The following FANCD2 variants were observed in gnomAD, a reference collection of about 807,000 sequenced individuals.
FANCD2 encodes FA complementation group D2.
FANCD2 carries 131 observed loss-of-function variants against 192.3 expected under a neutral mutation model. The observed-to-expected ratio is 0.68, with a 90% CI of 0.59 to 0.79. The LOEUF (loss-of-function observed/expected upper bound fraction) is 0.79, where lower values mean the gene tolerates loss of function less well. Among genes scored for constraint, FANCD2 ranks in the 30% least tolerant of loss-of-function variants. FANCD2 has a pLI of 0.00. For missense variants in FANCD2, 1,508 were observed against 1,701.6 expected (o/e 0.89, Z 2.00); for synonymous variants, 524 against 612.5 (o/e 0.86, Z 2.13).
chr3:10,056,896 A>T (rs2087428065), intron 18 of FANCD2, among the ~76,000 whole-genome samples: 1 of 151,538 alleles, frequency 6.6e-6, no homozygotes, highest in African/African-American at 2.4e-5. Flanking sequence ...ACTCTGTCAC[A>T]CACATTGGAG....
intron 3 of FANCD2, among the ~76,000 whole-genome samples, 166 bp downstream of exon 3, chr3:10,033,138 C>T (rs891708710): frequency 1.3e-5 from 2 of 152,116 alleles, no homozygotes; most frequent in Non-Finnish European, 2.9e-5. Flanking sequence ...AGGCCGGGCG[C>T]GGTGGCTCAC....
chr3:10,060,963 C>G (rs1209220001), intron 19 of FANCD2, among the ~76,000 whole-genome samples: 2 of 152,188 alleles, frequency 1.3e-5, no homozygotes, highest in African/African-American at 2.4e-5. Context: ...TCTTTAGAAT[C>G]CACATTGTGG....
Position 10,088,726 on chromosome 3 carries a change from C to G in FANCD2, c.3561-102C>G. On this transcript the variant is annotated intron_variant, in intron 35 of 43. Transcript: ENST00000675286. ...CTCTGGTTCTGTTTTATACTGTTAG[C>G]TAACTGCTTATTGTTAATTCAGATC... is the stretch of plus-strand genomic sequence containing the variant. The G allele has an allele frequency of 3.8e-6, 5 of 1,310,558 alleles. No homozygotes were observed. In the Admixed American group the frequency reaches 8.5e-5, roughly 22 times the overall value. 81.2% of individuals were successfully genotyped at this position (1,310,558 alleles called of 1,614,324 possible).
At chr3:10,094,435 T>A in intron 40 of FANCD2, 72 bp downstream of exon 40, 1 of 1,269,142 alleles carries the variant, frequency 7.9e-7, no homozygotes, top group Non-Finnish European at 1.2e-6. Flanking sequence ...TGGTGACTCC[T>A]GGGTGGGGCT....
chr3:10,053,723 T>C (rs2087290626), intron 18 of FANCD2, among the ~76,000 whole-genome samples: 1 of 151,908 alleles, frequency 6.6e-6, no homozygotes, highest in Non-Finnish European at 1.5e-5. Context: ...CCACAAACAT[T>C]AAGTGCCTAT....
At chr3:10,097,188 G>A (rs141561972) in intron 42 of FANCD2, among the ~76,000 whole-genome samples, 166 of 152,308 alleles carry the variant, frequency 1.1e-3, no homozygotes, top group African/African-American at 3.9e-3. Context: ...TCACATGACC[G>A]CAGGACCGAG....
chr3:10,072,744 T>G (rs1421470222), intron 26 of FANCD2, 127 bp from the exon 27 acceptor site: 2 of 707,154 alleles, frequency 2.8e-6, no homozygotes, highest in African/African-American at 1.8e-5. Flanking sequence ...TGAATATGTC[T>G]TATAAGCATT....
chr3:10,052,374 AT>A lies in FANCD2; in HGVS notation c.1546-7del, dbSNP rs758397626. On this transcript the variant is annotated splice_polypyrimidine_tract_variant and intron_variant, in intron 17 of 43. Coordinates refer to ENST00000675286, the MANE Select transcript of FANCD2 (RefSeq NM_001018115.3). Reference sequence around the variant, plus strand: ...AGCTGCTAGCCTCATTGTTGGCATCATTTTTTCCACAGGGCATTTTAGATTA... The same window carrying A: ...AGCTGCTAGCCTCATTGTTGGCATCATTTTTCCACAGGGCATTTTAGATTA... 3.9e-6 allele frequency: 6 copies of A among 1,541,668 alleles called. No individual in the cohort carries two copies. Among genetic ancestry groups the A allele is most frequent in the Non-Finnish European group, 5.4e-6 (6 of 1,114,198 alleles).
chr3:10,101,370 TGTTCCTC>T lies in FANCD2; in HGVS notation c.*109_*115del. ...CTTTCTTACTGGTAGGATCCTTTTT[TGTTCCTC>T]TTTTTTTTTTTTTTTTTTTTTTTTT... On this transcript the variant is annotated 3_prime_UTR_variant, in exon 44 of 44. Transcript: ENST00000675286. 1 of 751,922 alleles carries T rather than the reference TGTTCCTC, an allele frequency of 1.3e-6. No homozygotes were observed. The highest frequency in any genetic ancestry group is 2.2e-6 in the Non-Finnish European group (1 of 450,406). 46.6% of individuals were successfully genotyped at this position (751,922 alleles called of 1,614,324 possible).
intron 38 of FANCD2, among the ~76,000 whole-genome samples, chr3:10,092,855 C>G (rs1694734318): frequency 6.6e-6 from 1 of 151,848 alleles, no homozygotes; most frequent in African/African-American, 2.4e-5. Flanking sequence ...CCACACCCAG[C>G]TAATTTTTCT....
chr3:10,099,298 AT>A, intron 43 of FANCD2: 1 of 1,242,230 alleles, frequency 8.1e-7, no homozygotes, highest in Non-Finnish European at 1.0e-6. Flanking sequence ...TGTGGTACAG[AT>A]GCTTTCGACA....
chr3:10,095,301 C>T (rs890198963), intron 41 of FANCD2, 27 bp downstream of exon 41: 2 of 1,591,998 alleles, frequency 1.3e-6, no homozygotes, highest in Non-Finnish European at 1.7e-6. Context: ...GTTCTATCAG[C>T]AGCCTGCCTG....
intron 29 of FANCD2, among the ~76,000 whole-genome samples, chr3:10,075,762 G>A (rs1209561803): frequency 2.6e-5 from 3 of 114,202 alleles, no homozygotes; most frequent in African/African-American, 1.0e-4. Flanking sequence ...ATGGAGTCTC[G>A]CTGCGTTGCA....
intron 19 of FANCD2, among the ~76,000 whole-genome samples, chr3:10,061,717 A>G (rs1355849629): frequency 6.6e-6 from 1 of 152,178 alleles, no homozygotes; most frequent in Non-Finnish European, 1.5e-5. Flanking sequence ...TAGGATAACC[A>G]TCCTTTGCTC....
In FANCD2 at chr3:10,046,667, C is replaced by T. The variant is rs771869385; in HGVS notation, c.1222C>T (p.Arg408Ter). Residue 408 changes from arginine (R) to a stop codon, truncating the protein, a stop_gained, in exon 15 of 44, where the codon CGA becomes TGA. Transcript: ENST00000675286. LOFTEE classifies it high-confidence loss of function. ...TGACAGGGTGCTAAGAAATAAGATT[C>T]GATCAGGCTGCATTCAAGAACAGCT... The part of the protein sequence containing the change: ...YIDRVLRNKI[R>*]SGCIQEQLLQ... 16 of 1,614,124 alleles carry T rather than the reference C, an allele frequency of 9.9e-6. No homozygotes were observed. Among genetic ancestry groups the T allele is most frequent in the African/African-American group, 4.0e-5 (3 of 74,964 alleles).
chr3:10,056,769 G>A (rs2087424430), intron 18 of FANCD2, among the ~76,000 whole-genome samples: 1 of 152,118 alleles, frequency 6.6e-6, no homozygotes, highest in African/African-American at 2.4e-5. Flanking sequence ...ATTTTCTAAT[G>A]ACTAATGATG....
At chr3:10,054,352 CGTATATATATATATACGT>C (rs2087312554) in intron 18 of FANCD2, among the ~76,000 whole-genome samples, 1 of 103,836 alleles carries the variant, frequency 9.6e-6, no homozygotes, top group African/African-American at 5.0e-5. Flanking sequence ...TATATATATA[CGTATATATATATATACGT>C]GTATATACAT....
chr3:10,069,509 C>T lies in FANCD2; in HGVS notation c.2494+2192C>T, dbSNP rs548260067. Among the ~76,000 whole-genome samples, 12 of 141,904 alleles carry T rather than the reference C, an allele frequency of 8.5e-5. No individual in the cohort carries two copies. In the East Asian group the frequency reaches 1.6e-3, roughly 19 times the overall value. 93.1% of individuals were successfully genotyped at this position (141,904 alleles called of 152,430 possible). ...CCCCTCTCCCGTCTCCCTCTGATGC[C>T]GAGCCAAAGCTGGACTGTACTGCTG... On this transcript the variant is annotated intron_variant, in intron 26 of 43. Transcript: ENST00000675286.
At chr3:10,040,937 T>C (rs1009956631) in intron 9 of FANCD2, 1 of 170,850 alleles carries the variant, frequency 5.9e-6, no homozygotes, top group Non-Finnish European at 1.2e-5. Context: ...CTCATGCCTT[T>C]AATCCCAGCA....
Sources: gnomAD v4.1 joint callset for allele counts (sites outside exome capture counted in the v4.1 genomes callset) on GRCh38, gnomAD v4.1.1 for gene constraint, MANE v1.5 for transcripts, NCBI Gene and HGNC (gene_info 2026-07-23, HGNC 2026-07-21) for gene names.